WDFY4: variants seen among roughly 807,000 people sequenced by gnomAD.
The protein encoded by WDFY4 is WDFY family member 4, also known as WD repeat- and FYVE domain-containing protein 4.
Under a neutral mutation model 351.9 loss-of-function variants are expected in WDFY4, and 169 were observed. The observed-to-expected ratio is 0.48, with a 90% CI of 0.42 to 0.55. The LOEUF (loss-of-function observed/expected upper bound fraction) is 0.55. WDFY4 is among the 20% of genes least tolerant of loss of function. WDFY4 has a pLI of 0.00. For synonymous variants in WDFY4, 1,622 were observed against 1,574.6 expected (o/e 1.03, Z -0.71); for missense variants, 3,803 against 3,935.6 (o/e 0.97, Z 0.90).
At chr10:48,735,754 C>T in intron 10 of WDFY4, 126 bp from the exon 11 acceptor site, 1 of 1,003,776 alleles carries the variant, frequency 1.0e-6, no homozygotes, top group Non-Finnish European at 1.4e-6. Context: ...TACCAGTGAG[C>T]AAAAGAGAAA....
At chr10:48,793,168 G>T (rs2132762945) in intron 23 of WDFY4, among the ~76,000 whole-genome samples, 1 of 152,330 alleles carries the variant, frequency 6.6e-6, no homozygotes, top group South Asian at 2.1e-4. Context: ...AGGCACTAGG[G>T]ATGTGAGGTG....
At chr10:48,926,721 T>A (rs1013437442) in intron 47 of WDFY4, among the ~76,000 whole-genome samples, 39 of 152,362 alleles carry the variant, frequency 2.6e-4, no homozygotes, top group African/African-American at 8.4e-4. Context: ...ATGTTAATGA[T>A]ATTTTAATAG....
At chr10:48,882,789 G>T (rs953983693) in intron 43 of WDFY4, among the ~76,000 whole-genome samples, 1 of 152,138 alleles carries the variant, frequency 6.6e-6, no homozygotes, top group Non-Finnish European at 1.5e-5. Context: ...ATTTACAAGG[G>T]ATCTGCCCCC....
At chr10:48,850,027 G>T (rs1303318532) in intron 39 of WDFY4, among the ~76,000 whole-genome samples, 1 of 152,074 alleles carries the variant, frequency 6.6e-6, no homozygotes, top group African/African-American at 2.4e-5. Flanking sequence ...ATGGGTCTTT[G>T]GAAGGACAAC....
chr10:48,841,521 G>A (rs114555576), intron 39 of WDFY4, among the ~76,000 whole-genome samples: 1,912 of 152,182 alleles, frequency 0.013, 42 homozygotes, highest in African/African-American at 0.044. Flanking sequence ...GGTTCAGGGA[G>A]TATCATCCAT....
At chr10:48,733,478 G>A (rs2132352174) in intron 9 of WDFY4, among the ~76,000 whole-genome samples, 1 of 152,282 alleles carries the variant, frequency 6.6e-6, no homozygotes, top group South Asian at 2.1e-4. Context: ...TCAGGAATGA[G>A]CAGGCAGTCA....
intron 47 of WDFY4, among the ~76,000 whole-genome samples, chr10:48,921,557 A>G (rs996591739): frequency 1.3e-5 from 2 of 152,180 alleles, no homozygotes; most frequent in Non-Finnish European, 2.9e-5. Context: ...CAAAAGCACA[A>G]TTTACAAAAG....
intron 1 of WDFY4, among the ~76,000 whole-genome samples, chr10:48,697,857 C>A (rs1458456523): frequency 6.6e-6 from 1 of 152,188 alleles, no homozygotes; most frequent in Non-Finnish European, 1.5e-5. Flanking sequence ...TCCCACATGA[C>A]TTTAGGTGGC....
At chr10:48,772,062 G>A (rs534205185) in intron 13 of WDFY4, among the ~76,000 whole-genome samples, 1 of 152,320 alleles carries the variant, frequency 6.6e-6, no homozygotes, top group South Asian at 2.1e-4. Flanking sequence ...TGCGGCAAAG[G>A]TATAAAACAT....
At chr10:48,747,879 G>T (rs1472190662) in intron 12 of WDFY4, among the ~76,000 whole-genome samples, 2 of 152,178 alleles carry the variant, frequency 1.3e-5, no homozygotes, top group Non-Finnish European at 2.9e-5. Context: ...CTTGCTCCAA[G>T]ATTTTCCTTT....
At chr10:48,812,603 A>T (rs1469471532) in intron 30 of WDFY4, among the ~76,000 whole-genome samples, 1 of 151,716 alleles carries the variant, frequency 6.6e-6, no homozygotes, top group Non-Finnish European at 1.5e-5. Flanking sequence ...CCTTGATAAC[A>T]CTCCTGACCA....
chr10:48,831,156 T>G (rs2068175621), intron 38 of WDFY4, among the ~76,000 whole-genome samples: 1 of 152,238 alleles, frequency 6.6e-6, no homozygotes, highest in Non-Finnish European at 1.5e-5. Flanking sequence ...ATGTGGAGGC[T>G]GTGGCCTGGG....
At chr10:48,832,450 C>T (rs2068222096) in intron 38 of WDFY4, 123 bp from the exon 39 acceptor site, 1 of 1,206,032 alleles carries the variant, frequency 8.3e-7, no homozygotes, top group African/African-American at 1.6e-5. Flanking sequence ...TGGGTTGTTT[C>T]TCTTTTTGGA....
In WDFY4 at chr10:48,787,898, TTCTTCTTC is replaced by T. The variant is rs1565198534; in HGVS notation, c.3809-630_3809-623del. Among the ~76,000 whole-genome samples the T allele has an allele frequency of 4.5e-3, 132 of 29,474 alleles. 14 individuals are homozygous for T. Among genetic ancestry groups the T allele is most frequent in the African/African-American group, 0.011 (70 of 6,568 alleles). 19.3% of individuals were successfully genotyped at this position (29,474 alleles called of 152,430 possible). A position where few individuals can be genotyped will look rare whatever the true frequency, so the allele number is the denominator to read the frequency against. On this transcript the variant is annotated intron_variant, in intron 20 of 61. Coordinates refer to ENST00000325239, the MANE Select transcript of WDFY4 (RefSeq NM_001394531.1). ...TCTTTCTTTCTTCTTCTTCTCCTTC[TTCTTCTTC>T]TTCTTCTTCTTCTTCTTCTTCTTCT...
chr10:48,704,327 G>A (rs1022253745), intron 1 of WDFY4, among the ~76,000 whole-genome samples: 1 of 152,172 alleles, frequency 6.6e-6, no homozygotes, highest in African/African-American at 2.4e-5. Context: ...GTGTGAGAAG[G>A]CAAGTTTCTG....
intron 47 of WDFY4, among the ~76,000 whole-genome samples, chr10:48,925,990 G>A (rs1322452042): frequency 6.6e-6 from 1 of 152,128 alleles, no homozygotes; most frequent in Non-Finnish European, 1.5e-5. Context: ...AGTCACACAG[G>A]CAGCAAAGAA....
At chr10:48,981,290 G>C in intron 60 of WDFY4, 77 bp from the exon 61 acceptor site, 2 of 1,201,522 alleles carry the variant, frequency 1.7e-6, no homozygotes, top group Middle Eastern at 1.9e-4. Context: ...ATGTGTTTGC[G>C]GCCCCGTGTG....
At chr10:48,859,110 T>C (rs2069245891) in intron 39 of WDFY4, among the ~76,000 whole-genome samples, 1 of 152,178 alleles carries the variant, frequency 6.6e-6, no homozygotes, top group South Asian at 2.1e-4. Context: ...GAATTTTGTT[T>C]TGTTTTGCTT....
Position 48,873,573 on chromosome 10 carries a change from G to T in WDFY4, c.6824G>T (p.Ser2275Ile). 4 of 1,551,664 alleles carry T rather than the reference G, an allele frequency of 2.6e-6. No individual in the cohort carries two copies. The highest frequency in any genetic ancestry group is 2.4e-5 in the East Asian group (1 of 40,928). Residue 2275 changes from serine to isoleucine, a missense_variant, in exon 41 of 62, where the codon AGC becomes ATC. By Grantham distance (142) the Ser-to-Ile change is moderately radical. Transcript: ENST00000325239. ...EQLFGELGLW[S>I]QGEETKPCSP... ...CTTTTTGGGGAGCTGGGCTTGTGGA[G>T]CCAGGGGGAAGAAACCAAGCCCTGT...
Sources: allele counts gnomAD v4.1 joint callset (sites outside exome capture counted in the v4.1 genomes callset), GRCh38; gene constraint gnomAD v4.1.1; transcripts MANE v1.5; gene names NCBI Gene and HGNC (gene_info 2026-07-23, HGNC 2026-07-21).